CPNE7: variants seen among roughly 807,000 people sequenced by gnomAD.
CPNE7 encodes the protein copine-7.
Under a neutral mutation model 66.5 loss-of-function variants are expected in CPNE7, and 78 were observed. The ratio of observed to expected loss-of-function variants is 1.17; its 90% CI spans 0.98 to 1.42. The LOEUF is 1.42. Among genes scored for constraint, CPNE7 ranks in the 40% most tolerant of loss-of-function variants. CPNE7 has a pLI of 0.00. For missense variants in CPNE7, 1,012 were observed against 776.6 expected (o/e 1.30, Z -3.60); for synonymous variants, 468 against 336.7 (o/e 1.39, Z -4.27).
chr16:89,588,660 C>G lies in CPNE7; in HGVS notation c.928-15C>G, dbSNP rs777175809. On this transcript the variant is annotated splice_polypyrimidine_tract_variant and intron_variant, in intron 9 of 14. Coordinates refer to ENST00000319518, the MANE Select transcript of CPNE7 (RefSeq NM_153636.3). ...CCCCGGCCCAGCACAGCTCCTGGCTCCCGGCCCACTGCAGGTGGCCATTGA... is the reference window on the plus strand; with the variant it reads ...CCCCGGCCCAGCACAGCTCCTGGCTGCCGGCCCACTGCAGGTGGCCATTGA... 6.2e-7 allele frequency: 1 copy of G among 1,612,818 alleles called. No homozygotes were observed. The highest frequency in any genetic ancestry group is 8.5e-7 in the Non-Finnish European group (1 of 1,179,868).
Position 89,577,592 on chromosome 16 carries a change from C to T in CPNE7, c.228C>T (p.Val76=). ...RSSLHPVFSK[V]FTVDYYFEEV... ...GCCTGCATCCCGTGTTCTCCAAGGTCTTCACGGTGGACTACTACTTCGAGG... is the reference window on the plus strand; with the variant it reads ...GCCTGCATCCCGTGTTCTCCAAGGTTTTCACGGTGGACTACTACTTCGAGG... The change falls in exon 2 of 15, where the codon GTC becomes GTT. Residue 76 remains valine, a synonymous_variant. Coordinates refer to ENST00000319518, the MANE Select transcript of CPNE7 (RefSeq NM_153636.3). 3 of 1,555,406 alleles carry T rather than the reference C, an allele frequency of 1.9e-6. No homozygotes were observed. The highest frequency in any genetic ancestry group is 1.7e-6 in the Non-Finnish European group (2 of 1,148,930).
In CPNE7 at chr16:89,596,866, G is replaced by T; in HGVS notation, c.*245G>T. 2.3e-6 allele frequency: 1 copy of T among 435,500 alleles called. No homozygotes were observed. The highest frequency in any genetic ancestry group is 5.8e-5 in the South Asian group (1 of 17,298). 27.0% of individuals were successfully genotyped at this position (435,500 alleles called of 1,614,324 possible). On this transcript the variant is annotated 3_prime_UTR_variant, in exon 15 of 15. Coordinates refer to ENST00000319518, the MANE Select transcript of CPNE7 (RefSeq NM_153636.3). ...GCCTGAGCCAGGTGGGTGGAGGGAG[G>T]GAGATCATGAGGGACTTGGAGGGAG... is the stretch of plus-strand genomic sequence containing the variant.
rs769759277 is a variant in CPNE7 at position 89,595,373 on chromosome 16, T to G, written c.1309T>G (p.Tyr437Asp). The G allele has an allele frequency of 1.8e-5, 28 of 1,571,870 alleles. No homozygotes were observed. Among genetic ancestry groups the G allele is most frequent in the Non-Finnish European group, 2.3e-5 (27 of 1,154,606 alleles). The change falls in exon 14 of 15, where the codon TAC becomes GAC. Residue 437 changes from tyrosine (Y) to aspartate (D), a missense_variant. Tyr to Asp is a radical substitution (Grantham distance 160, BLOSUM62 -3). Transcript: ENST00000319518. ...GCCTTTCCTGTGCCCCCAGCAATAC[T>G]ACATCCTGCTGATCCTGACGGACGG... The part of the protein sequence containing the change: ...EESTGKASQY[Y>D]ILLILTDGVV...
At position 89,578,978 on chromosome 16, in the gene CPNE7, G is replaced by T. The variant is rs146051306; in HGVS notation, c.357+1257G>T. On this transcript the variant is annotated intron_variant, in intron 2 of 14. Transcript: ENST00000319518. ...GAATCCTCACACCTTGCCAGGACGG[G>T]TCCTTCTTTTTTATTGAGGTAAAAT... The T allele has an allele frequency of 1.8e-4, 281 of 1,604,708 alleles. 2 individuals carry two copies. The African/African-American group carries it at 3.5e-3, about 20-fold the overall frequency.
At chr16:89,591,438 G>A (rs138280496) in intron 13 of CPNE7, among the ~76,000 whole-genome samples, 178 bp downstream of exon 13, 99 of 152,320 alleles carry the variant, frequency 6.5e-4, no homozygotes, top group Non-Finnish European at 1.1e-3. Context: ...CAAAGGTGCA[G>A]GTGTCTCGGG....
chr16:89,577,284 G>A (rs1350716781), intron 1 of CPNE7, among the ~76,000 whole-genome samples: 1 of 152,114 alleles, frequency 6.6e-6, no homozygotes, highest in Non-Finnish European at 1.5e-5. Context: ...GACTCAGCGT[G>A]TCATTCTCGT....
intron 2 of CPNE7, among the ~76,000 whole-genome samples, chr16:89,579,584 C>T (rs1354346432): frequency 1.3e-5 from 2 of 149,354 alleles, no homozygotes; most frequent in African/African-American, 2.5e-5. Context: ...ACATCTCACC[C>T]GTCACACAGA....
In CPNE7 at chr16:89,584,638, A is replaced by G. The variant is rs1446212787; in HGVS notation, c.508-136A>G. Reference sequence around the variant, plus strand: ...GAGGGACGAGATGCTGTCGGCGGGGACTGGCTGCCTCGTTTTGTGCCTGAG... The same window carrying G: ...GAGGGACGAGATGCTGTCGGCGGGGGCTGGCTGCCTCGTTTTGTGCCTGAG... On this transcript the variant is annotated intron_variant, in intron 4 of 14. Coordinates refer to ENST00000319518, the MANE Select transcript of CPNE7 (RefSeq NM_153636.3). This position sits in a 1 kb window ranked among gnomAD's most constrained non-coding sequence, Gnocchi z 6.0. 1.0e-5 allele frequency: 7 copies of G among 677,288 alleles called. No individual in the cohort carries two copies. Among genetic ancestry groups the G allele is most frequent in the Non-Finnish European group, 1.8e-5 (7 of 382,862 alleles). The allele number at this position is 677,288 out of a possible 1,614,324, so 42.0% of individuals were successfully genotyped here. A position where few individuals can be genotyped will look rare whatever the true frequency, so the allele number is the denominator to read the frequency against.
At position 89,577,715 on chromosome 16, in the gene CPNE7, G is replaced by T; in HGVS notation, c.351G>T (p.Leu117=). The part of the protein sequence containing the change: ...DDFLGGMECT[L]GQIVAQKKVT... ...TCCTGGGGGGCATGGAGTGCACCCTGGGGCAGGTGGGTGCCCCGTCCCCTC... is the reference window on the plus strand; with the variant it reads ...TCCTGGGGGGCATGGAGTGCACCCTTGGGCAGGTGGGTGCCCCGTCCCCTC... Residue 117 remains leucine (L), a synonymous_variant, in exon 2 of 15, where the codon CTG becomes CTT. Coordinates refer to ENST00000319518, the MANE Select transcript of CPNE7 (RefSeq NM_153636.3). The T allele has an allele frequency of 6.3e-7, 1 of 1,590,734 alleles. No homozygotes were observed. The highest frequency in any genetic ancestry group is 1.8e-5 in the Admixed American group (1 of 56,566).
At chr16:89,596,372 G>C in intron 14 of CPNE7, 112 bp from the exon 15 acceptor site, 1 of 1,411,096 alleles carries the variant, frequency 7.1e-7, no homozygotes. Flanking sequence ...GGTGGGGGTG[G>C]GTAGTCACCA....
chr16:89,595,605 T>C lies in CPNE7; in HGVS notation c.1539+2T>C. On this transcript the variant is annotated splice_donor_variant, in intron 14 of 14. Coordinates refer to ENST00000319518, the MANE Select transcript of CPNE7 (RefSeq NM_153636.3). LOFTEE classifies it high-confidence loss of function. ...GTGCCCTTCCGGGAGCTCAAGAACG[T>C]GAGTGTCCTGGAGGGGCTCCGTCAA... is the stretch of plus-strand genomic sequence containing the variant. 1 of 1,599,130 alleles carries C rather than the reference T, an allele frequency of 6.3e-7. No homozygotes were observed. The highest frequency in any genetic ancestry group is 2.2e-5 in the East Asian group (1 of 44,548).
At chr16:89,586,972 G>T in intron 8 of CPNE7, 71 bp from the exon 9 acceptor site, 1 of 1,466,892 alleles carries the variant, frequency 6.8e-7, no homozygotes, top group Non-Finnish European at 9.3e-7. Context: ...GCGGGAGGCA[G>T]GCCTGGATCC....
intron 2 of CPNE7, chr16:89,578,768 A>T: frequency 1.4e-6 from 2 of 1,396,070 alleles, no homozygotes; most frequent in Non-Finnish European, 1.9e-6. Context: ...TCAAAAAAAA[A>T]AAAAAAAAAA....
rs566005929 is a variant in CPNE7, at chr16:89,596,592, G to C, written c.1648G>C (p.Gly550Arg). 11 of 1,606,550 alleles carry C rather than the reference G, an allele frequency of 6.8e-6. No homozygotes were observed. The South Asian group carries it at 7.7e-5, about 11-fold the overall frequency. Residue 550 changes from glycine (G) to arginine (R), a missense_variant, in exon 15 of 15, where the codon GGA becomes CGA. Gly to Arg is a moderately radical substitution (Grantham distance 125, BLOSUM62 -2). Coordinates refer to ENST00000319518, the MANE Select transcript of CPNE7 (RefSeq NM_153636.3). ...CCCGAGAAGCCTGGGTGTCCCTGCC[G>C]GAGAGGCCAGCCCAGGCTGCACACC... ...LPPRSLGVPA[G>R]EASPGCTP is the part of the protein sequence containing the mutation.
chr16:89,592,013 G>GTTT (rs757698942), intron 13 of CPNE7, among the ~76,000 whole-genome samples: 3 of 121,528 alleles, frequency 2.5e-5, no homozygotes, highest in Non-Finnish European at 3.5e-5. Flanking sequence ...TTTTTTTGTT[G>GTTT]TTTTTTTTTT....
rs2058881895 is a variant in CPNE7, at chr16:89,577,683, G to A, written c.319G>A (p.Asp107Asn). The A allele has an allele frequency of 1.2e-6, 2 of 1,601,270 alleles. No homozygotes were observed. Among genetic ancestry groups the A allele is most frequent in the East Asian group, 4.5e-5 (2 of 44,382 alleles). ...HGPSGFSCQE[D>N]DFLGGMECTL... ...GCCCAGCGGCTTCAGCTGTCAGGAGGACGATTTCCTGGGGGGCATGGAGTG... is the reference window on the plus strand; with the variant it reads ...GCCCAGCGGCTTCAGCTGTCAGGAGAACGATTTCCTGGGGGGCATGGAGTG... The change falls in exon 2 of 15, where the codon GAC becomes AAC. Residue 107 changes from aspartate (D) to asparagine (N), a missense_variant. Transcript: ENST00000319518.
At position 89,575,934 on chromosome 16, in the gene CPNE7, C is replaced by G; in HGVS notation, c.37C>G (p.Pro13Ala). ...AGSERGAAAT[P>A]GGLPAPCASK... is the part of the protein sequence containing the mutation. ...CTCGGAGCGCGGGGCGGCGGCAACCCCCGGGGGTTTGCCCGCGCCCTGCGC... is the reference window on the plus strand; with the variant it reads ...CTCGGAGCGCGGGGCGGCGGCAACCGCCGGGGGTTTGCCCGCGCCCTGCGC... Residue 13 changes from proline to alanine, a missense_variant, in exon 1 of 15, where the codon CCC becomes GCC. Coordinates refer to ENST00000319518, the MANE Select transcript of CPNE7 (RefSeq NM_153636.3). 1 of 1,319,796 alleles carries G rather than the reference C, an allele frequency of 7.6e-7. No individual in the cohort carries two copies. Among genetic ancestry groups the G allele is most frequent in the Non-Finnish European group, 9.7e-7 (1 of 1,035,074 alleles). 81.8% of individuals were successfully genotyped at this position (1,319,796 alleles called of 1,614,324 possible).
At chr16:89,593,325 G>A (rs1213716091) in intron 13 of CPNE7, among the ~76,000 whole-genome samples, 2 of 151,674 alleles carry the variant, frequency 1.3e-5, no homozygotes, top group East Asian at 1.9e-4. Context: ...CCGTCCGAGA[G>A]CACGTTGCAA....
rs1226893644 is a variant in CPNE7 at position 89,584,935 on chromosome 16, G to A, written c.591+78G>A. 2.3e-6 allele frequency: 3 copies of A among 1,284,888 alleles called. No homozygotes were observed. The highest frequency in any genetic ancestry group is 2.9e-5 in the African/African-American group (2 of 68,810). 79.6% of individuals were successfully genotyped at this position (1,284,888 alleles called of 1,614,324 possible). A position where few individuals can be genotyped will look rare whatever the true frequency, so the allele number is the denominator to read the frequency against. ...TCACGCATCTCTGGCCACATGGGAG[G>A]AGCTCCCAGCCTCCAACAGGGAGCT... On this transcript the variant is annotated intron_variant, in intron 5 of 14. Coordinates refer to ENST00000319518, the MANE Select transcript of CPNE7 (RefSeq NM_153636.3). This position sits in a 1 kb window ranked among gnomAD's most constrained non-coding sequence, Gnocchi z 6.0.
Sources: gnomAD v4.1 joint callset for allele counts (sites outside exome capture counted in the v4.1 genomes callset) on GRCh38, gnomAD v4.1.1 for gene constraint, Gnocchi (gnomAD v3.1) non-coding constraint, MANE v1.5 for transcripts, NCBI Gene and HGNC (gene_info 2026-07-23, HGNC 2026-07-21) for gene names.